Variants in PARD3B observed in about 807,000 individuals in gnomAD.
PARD3B encodes partitioning defective 3 homolog B.
PARD3B carries 103 observed loss-of-function variants against 130.2 expected under a neutral mutation model. The observed-to-expected ratio is 0.79, with a 90% CI of 0.67 to 0.93. PARD3B has a LOEUF of 0.93. Among genes scored for constraint, PARD3B ranks in the 40% least tolerant of loss-of-function variants. The probability of loss-of-function intolerance (pLI) is 0.00; values close to 1 mark genes in which losing one functional copy is unlikely to be tolerated. For missense variants in PARD3B, 1,609 were observed against 1,499.2 expected, an observed-to-expected ratio of 1.07 and a Z score of -1.21; for synonymous variants, 583 against 553.2, an observed-to-expected ratio of 1.05 and a Z score of -0.76.
rs559464869 is a variant in PARD3B, at chr2:205,590,085, C to T, written c.3261-25371C>T. On this transcript the variant is annotated intron_variant, in intron 22 of 22. Coordinates refer to ENST00000406610, the MANE Select transcript of PARD3B (RefSeq NM_001302769.2). This position sits in a 1 kb window ranked among gnomAD's most constrained non-coding sequence, Gnocchi z 4.1. Reference sequence around the variant, plus strand: ...TTCATACCTATTGGTATGAATATACCAACACATGAATGTACACATGGACAA... The same window carrying T: ...TTCATACCTATTGGTATGAATATACTAACACATGAATGTACACATGGACAA... Among the ~76,000 whole-genome samples, 149 of 152,160 alleles carry T rather than the reference C, an allele frequency of 9.8e-4. 1 individual carries two copies. Among genetic ancestry groups the T allele is most frequent in the African/African-American group, 3.4e-3 (140 of 41,502 alleles).
rs978983821 is a variant in PARD3B, at chr2:205,324,964, C to T, written c.2630+23263C>T. 2.0e-5 allele frequency among the ~76,000 whole-genome samples: 3 copies of T among 152,216 alleles called. No homozygotes were observed. In the East Asian group the frequency reaches 5.8e-4, roughly 29 times the overall value. ...AAGAGGATGCTGTGTCCTTTTCTCT[C>T]ACCTGTGAAGACCAATCCATCAATT... is the stretch of plus-strand genomic sequence containing the variant. On this transcript the variant is annotated intron_variant, in intron 18 of 22. Transcript: ENST00000406610.
intron 21 of PARD3B, among the ~76,000 whole-genome samples, chr2:205,503,827 G>T (rs1001297963): frequency 4.6e-5 from 7 of 151,452 alleles, no homozygotes; most frequent in African/African-American, 1.7e-4. Context: ...TCTTCCATTT[G>T]TTTGTATCCT....
Position 204,886,664 on chromosome 2 carries a change from T to G in PARD3B, c.223-78488T>G, listed in dbSNP as rs560929383. Among the ~76,000 whole-genome samples, 224 of 152,334 alleles carry G rather than the reference T, an allele frequency of 1.5e-3. 1 individual carries two copies. The highest frequency in any genetic ancestry group is 5.2e-3 in the African/African-American group (215 of 41,578). On this transcript the variant is annotated intron_variant, in intron 2 of 22. Transcript: ENST00000406610. Reference sequence around the variant, plus strand: ...ATTAAAAATATTTGAGATCGATGTCTGTGCAACATATGAAATCATGTAAAC... The same window carrying G: ...ATTAAAAATATTTGAGATCGATGTCGGTGCAACATATGAAATCATGTAAAC...
At chr2:205,444,821 C>T (rs182702151) in intron 20 of PARD3B, among the ~76,000 whole-genome samples, 55 of 152,284 alleles carry the variant, frequency 3.6e-4, no homozygotes, top group Non-Finnish European at 6.5e-4. Flanking sequence ...TAGCAGATAT[C>T]ACAGACATGA....
chr2:205,075,587 A>T (rs1001278379), intron 4 of PARD3B, among the ~76,000 whole-genome samples: 1 of 151,806 alleles, frequency 6.6e-6, no homozygotes, highest in Non-Finnish European at 1.5e-5. Flanking sequence ...TTTAGGTTGC[A>T]AAATTATTTC....
At chr2:204,790,741 C>T (rs551320197) in intron 2 of PARD3B, among the ~76,000 whole-genome samples, 9 of 152,110 alleles carry the variant, frequency 5.9e-5, no homozygotes, top group Non-Finnish European at 1.0e-4. Context: ...CTTCGTATTT[C>T]GTCTTTGTCA....
intron 1 of PARD3B, among the ~76,000 whole-genome samples, chr2:204,614,622 C>T (rs2034043687): frequency 6.6e-6 from 1 of 152,092 alleles, no homozygotes; most frequent in African/African-American, 2.4e-5. Context: ...TTGTAATCCC[C>T]ATTGTTGGAG....
chr2:205,317,204 A>G (rs1221531602), intron 18 of PARD3B, among the ~76,000 whole-genome samples: 1 of 152,218 alleles, frequency 6.6e-6, no homozygotes, highest in African/African-American at 2.4e-5. Context: ...CTGGATTTCC[A>G]ACCTTAATTC....
Position 204,937,254 on chromosome 2 carries a change from A to G in PARD3B, c.223-27898A>G, listed in dbSNP as rs546353025. Among the ~76,000 whole-genome samples, 4 of 152,322 alleles carry G rather than the reference A, an allele frequency of 2.6e-5. No homozygotes were observed. The South Asian group carries it at 6.2e-4, about 24-fold the overall frequency. On this transcript the variant is annotated intron_variant, in intron 2 of 22. Coordinates refer to ENST00000406610, the MANE Select transcript of PARD3B (RefSeq NM_001302769.2). Reference sequence around the variant, plus strand: ...TTTCCTCCCTTTGGATGACTTGCACATGCATCTTCTTCCCAACTCTTTTTA... The same window carrying G: ...TTTCCTCCCTTTGGATGACTTGCACGTGCATCTTCTTCCCAACTCTTTTTA...
chr2:205,195,230 C>T (rs540617918), intron 15 of PARD3B, among the ~76,000 whole-genome samples: 4 of 151,944 alleles, frequency 2.6e-5, no homozygotes, highest in East Asian at 1.9e-4. Context: ...TAAATGACAA[C>T]GATAATAGTA....
chr2:204,879,107 A>G (rs1326812917), intron 2 of PARD3B, among the ~76,000 whole-genome samples: 1 of 152,212 alleles, frequency 6.6e-6, no homozygotes, highest in Non-Finnish European at 1.5e-5. Flanking sequence ...TTTGTAGGAA[A>G]GGTGCATGAA....
chr2:205,256,582 G>A (rs1237000834), intron 16 of PARD3B, among the ~76,000 whole-genome samples: 1 of 152,046 alleles, frequency 6.6e-6, no homozygotes, highest in Non-Finnish European at 1.5e-5. Flanking sequence ...TGTAGTATTT[G>A]AGTTTTACAT....
At chr2:205,009,109 A>G (rs906512063) in intron 3 of PARD3B, among the ~76,000 whole-genome samples, 1 of 152,200 alleles carries the variant, frequency 6.6e-6, no homozygotes, top group African/African-American at 2.4e-5. Flanking sequence ...GCAATACCTT[A>G]TTTTTGTATT....
chr2:205,295,748 C>T (rs2041766796), intron 16 of PARD3B, among the ~76,000 whole-genome samples: 1 of 151,972 alleles, frequency 6.6e-6, no homozygotes, highest in African/African-American at 2.4e-5. Flanking sequence ...TCAAACATTG[C>T]CAATTAAATC....
intron 10 of PARD3B, among the ~76,000 whole-genome samples, chr2:205,143,949 A>G (rs1380728659): frequency 6.6e-6 from 1 of 152,184 alleles, no homozygotes; most frequent in Admixed American, 6.5e-5. Context: ...GATAGGTCCC[A>G]TGTGTTCCAC....
intron 18 of PARD3B, among the ~76,000 whole-genome samples, chr2:205,313,475 T>C (rs1018426893): frequency 2.6e-5 from 4 of 152,216 alleles, no homozygotes; most frequent in Admixed American, 6.5e-5. Context: ...AAAAATCTGA[T>C]TGCTGCTGCC....
At chr2:204,845,878 C>G (rs202221469) in intron 2 of PARD3B, among the ~76,000 whole-genome samples, 1 of 151,944 alleles carries the variant, frequency 6.6e-6, no homozygotes, top group East Asian at 1.9e-4. Context: ...GTCCTTCTTA[C>G]CTATATGCAG....
At chr2:204,997,203 C>A (rs1437429734) in intron 3 of PARD3B, among the ~76,000 whole-genome samples, 1 of 152,190 alleles carries the variant, frequency 6.6e-6, no homozygotes, top group Non-Finnish European at 1.5e-5. Flanking sequence ...TTGTTCACAG[C>A]CAAGAATGGT....
intron 2 of PARD3B, among the ~76,000 whole-genome samples, chr2:204,844,198 G>T (rs1046708948): frequency 5.3e-5 from 8 of 151,994 alleles, no homozygotes; most frequent in Non-Finnish European, 1.0e-4. Context: ...CCAAATTTGT[G>T]CCAAGGAATT....
Sources: gnomAD v4.1 joint callset for allele counts (sites outside exome capture counted in the v4.1 genomes callset) on GRCh38, gnomAD v4.1.1 for gene constraint, Gnocchi (gnomAD v3.1) non-coding constraint, MANE v1.5 for transcripts, NCBI Gene and HGNC (gene_info 2026-07-23, HGNC 2026-07-21) for gene names.